The following HIVEP3 variants were observed in gnomAD, a reference collection of about 807,000 sequenced individuals.
HIVEP3 encodes the protein transcription factor HIVEP3.
Under a neutral mutation model 152.8 loss-of-function variants are expected in HIVEP3, and 49 were observed. The ratio of observed to expected loss-of-function variants is 0.32; its 90% CI spans 0.26 to 0.41. The LOEUF (loss-of-function observed/expected upper bound fraction) is 0.41. HIVEP3 is among the 10% of genes least tolerant of loss of function. HIVEP3 has a pLI of 1.00. For synonymous variants in HIVEP3, 1,269 were observed against 1,289.0 expected (o/e 0.98, Z 0.33); for missense variants, 2,790 against 3,103.3 (o/e 0.90, Z 2.40).
chr1:41,757,670 T>C lies in HIVEP3; in HGVS notation c.-800-56675A>G, dbSNP rs1221240560. 3.3e-5 allele frequency among the ~76,000 whole-genome samples: 5 copies of C among 151,602 alleles called. No individual in the cohort carries two copies. In the East Asian group the frequency reaches 9.7e-4, roughly 29 times the overall value. Reference sequence around the variant, plus strand: ...ATTTGGTTGATTAATTACAGCCCCTTCAGTCTGTTTATATTTTCTACTTTG... The same window carrying C: ...ATTTGGTTGATTAATTACAGCCCCTCCAGTCTGTTTATATTTTCTACTTTG... On this transcript the variant is annotated intron_variant, in intron 1 of 8. Transcript: ENST00000372583.
At chr1:41,557,066 G>C (rs778028005) in intron 5 of HIVEP3, among the ~76,000 whole-genome samples, 8 of 152,204 alleles carry the variant, frequency 5.3e-5, no homozygotes, top group Admixed American at 2.0e-4. Context: ...GGAAGTGTGA[G>C]AGCTGCAACA....
intron 5 of HIVEP3, among the ~76,000 whole-genome samples, chr1:41,544,872 A>G (rs1478501564): frequency 8.3e-6 from 1 of 120,580 alleles, no homozygotes; most frequent in Non-Finnish European, 1.7e-5. Flanking sequence ...CACCACCACC[A>G]CCACTACCAC....
chr1:41,990,988 A>T (rs1329499217), intron 1 of HIVEP3, among the ~76,000 whole-genome samples: 13 of 139,630 alleles, frequency 9.3e-5, no homozygotes, highest in African/African-American at 3.0e-4. Flanking sequence ...AATCTCTGGG[A>T]TGCATTCAAA....
At chr1:41,734,763 G>A (rs1409543402) in intron 1 of HIVEP3, among the ~76,000 whole-genome samples, 2 of 152,224 alleles carry the variant, frequency 1.3e-5, no homozygotes, top group Non-Finnish European at 2.9e-5. Context: ...GACGGCAGTT[G>A]AGGACTGGGG....
chr1:41,690,684 G>A (rs550431889), intron 2 of HIVEP3, among the ~76,000 whole-genome samples: 26 of 152,300 alleles, frequency 1.7e-4, no homozygotes, highest in African/African-American at 5.8e-4. Flanking sequence ...TTGGGAGGCC[G>A]AGGCAGATGG....
At chr1:41,923,263 A>G (rs1362583509), upstream of HIVEP3, among the ~76,000 whole-genome samples, 2 of 152,266 alleles carry the variant, frequency 1.3e-5, no homozygotes, top group African/African-American at 2.4e-5. Context: ...TTGAAAAAAT[A>G]TAAGTTTTAC....
intron 3 of HIVEP3, among the ~76,000 whole-genome samples, chr1:41,626,323 A>G (rs1332464783): frequency 1.3e-5 from 2 of 152,250 alleles, no homozygotes; most frequent in African/African-American, 2.4e-5. Flanking sequence ...GCACCAAGTC[A>G]GCACCTCATT....
intron 3 of HIVEP3, among the ~76,000 whole-genome samples, chr1:41,624,595 A>G (rs185936535): frequency 3.9e-5 from 6 of 152,360 alleles, no homozygotes; most frequent in Admixed American, 3.9e-4. Context: ...ACACAAAACC[A>G]TACAAGCAAG....
intron 1 of HIVEP3, among the ~76,000 whole-genome samples, chr1:41,879,854 G>A (rs1440473121): frequency 2.6e-5 from 4 of 152,184 alleles, no homozygotes; most frequent in Non-Finnish European, 2.9e-5. Context: ...AGCCTAGGTA[G>A]TTACTAGAAG....
At chr1:41,845,459 G>A (rs942357336) in intron 1 of HIVEP3, among the ~76,000 whole-genome samples, 6 of 125,388 alleles carry the variant, frequency 4.8e-5, no homozygotes, top group East Asian at 2.4e-4. Context: ...ACACACACAC[G>A]CCTCTTTCTG....
At chr1:41,737,207 A>G (rs1324166501) in intron 1 of HIVEP3, among the ~76,000 whole-genome samples, 1 of 152,180 alleles carries the variant, frequency 6.6e-6, no homozygotes, top group Non-Finnish European at 1.5e-5. Context: ...AAAGCTGCTT[A>G]ACGTATCTCA....
intron 2 of HIVEP3, among the ~76,000 whole-genome samples, chr1:41,696,928 A>C (rs1480493550): frequency 6.6e-6 from 1 of 152,256 alleles, no homozygotes; most frequent in South Asian, 2.1e-4. Context: ...GCTATGTTAT[A>C]TATTCCTATG....
intron 1 of HIVEP3, among the ~76,000 whole-genome samples, chr1:41,766,330 T>C (rs980712980): frequency 6.6e-6 from 1 of 152,204 alleles, no homozygotes; most frequent in African/African-American, 2.4e-5. Flanking sequence ...TGTTGTTAAC[T>C]ATCATACAAG....
At chr1:41,548,165 G>A (rs1643849904) in intron 5 of HIVEP3, among the ~76,000 whole-genome samples, 1 of 152,200 alleles carries the variant, frequency 6.6e-6, no homozygotes, top group Non-Finnish European at 1.5e-5. Context: ...TCCAGGAGGT[G>A]CCAGAACTGG....
chr1:41,650,022 G>T (rs1645522645), intron 2 of HIVEP3, among the ~76,000 whole-genome samples: 1 of 152,024 alleles, frequency 6.6e-6, no homozygotes, highest in Non-Finnish European at 1.5e-5. Context: ...AAACGGAAAA[G>T]AAACAAACCG....
chr1:41,935,875 AC>A (rs575198747), intron 1 of HIVEP3, among the ~76,000 whole-genome samples: 42 of 151,912 alleles, frequency 2.8e-4, no homozygotes, highest in African/African-American at 9.9e-4. Context: ...CATCTTAGAT[AC>A]CTGGAGCATA....
chr1:41,995,982 G>A (rs1333315797), intron 1 of HIVEP3, among the ~76,000 whole-genome samples: 1 of 152,092 alleles, frequency 6.6e-6, no homozygotes, highest in East Asian at 1.9e-4. Context: ...CAAATTTACT[G>A]GTTTAAAATA....
intron 1 of HIVEP3, among the ~76,000 whole-genome samples, chr1:41,909,380 A>G (rs1378277786): frequency 6.6e-6 from 1 of 152,168 alleles, no homozygotes; most frequent in Non-Finnish European, 1.5e-5. Flanking sequence ...AGAATTACTA[A>G]GGAAACAAGT....
chr1:41,861,011 C>A (rs954189627), intron 1 of HIVEP3, among the ~76,000 whole-genome samples: 44 of 152,194 alleles, frequency 2.9e-4, no homozygotes, highest in African/African-American at 1.0e-3. Flanking sequence ...TCCCGAACTA[C>A]GAGGGAGGAG....
Sources: gnomAD v4.1 joint callset for allele counts (sites outside exome capture counted in the v4.1 genomes callset) on GRCh38, gnomAD v4.1.1 for gene constraint, MANE v1.5 for transcripts, NCBI Gene and HGNC (gene_info 2026-07-23, HGNC 2026-07-21) for gene names.